COMMD1: variants seen among roughly 807,000 people sequenced by gnomAD.
COMMD1 encodes COMM domain-containing protein 1.
Under a neutral mutation model 17.2 loss-of-function variants are expected in COMMD1, and 10 were observed. That is an observed-to-expected ratio of 0.58 (90% CI 0.36 to 0.99). COMMD1 has a LOEUF of 0.99. Ranked by LOEUF, COMMD1 falls within the 50% of genes least tolerant of loss-of-function variation. COMMD1 has a pLI of 0.01. For missense variants in COMMD1, 270 were observed against 231.8 expected (o/e 1.17, Z -1.07); for synonymous variants, 97 against 91.6 (o/e 1.06, Z -0.34).
chr2:62,046,279 G>A (rs1316691266), intron 2 of COMMD1, among the ~76,000 whole-genome samples: 2 of 152,210 alleles, frequency 1.3e-5, no homozygotes, highest in Admixed American at 1.3e-4. Context: ...ATAGTTCTAT[G>A]CTATAAAGGT....
rs376134713 is a variant in COMMD1 at position 62,074,029 on chromosome 2, A to G, written c.463-61802A>G. Among the ~76,000 whole-genome samples, 62 of 152,200 alleles carry G rather than the reference A, an allele frequency of 4.1e-4. 1 individual carries two copies. The highest frequency in any genetic ancestry group is 1.4e-3 in the African/African-American group (57 of 41,528). ...ACATCTTCAAAATACTTTACAGTTTATTTTTTCTCTTAACACTATACAAAC... is the reference window on the plus strand; with the variant it reads ...ACATCTTCAAAATACTTTACAGTTTGTTTTTTCTCTTAACACTATACAAAC... On this transcript the variant is annotated intron_variant, in intron 2 of 2. Coordinates refer to ENST00000311832, the MANE Select transcript of COMMD1 (RefSeq NM_152516.4).
chr2:62,063,314 C>G (rs1388691841), intron 2 of COMMD1, among the ~76,000 whole-genome samples: 2 of 152,158 alleles, frequency 1.3e-5, no homozygotes, highest in Non-Finnish European at 1.5e-5. Flanking sequence ...GGGAGGATCA[C>G]TTGAGTCCAG....
At chr2:62,089,331 G>A (rs1486962755) in intron 2 of COMMD1, among the ~76,000 whole-genome samples, 1 of 149,914 alleles carries the variant, frequency 6.7e-6, no homozygotes, top group Non-Finnish European at 1.5e-5. Flanking sequence ...TGTTGCCCAG[G>A]CTGGAGTGCA....
chr2:62,056,326 C>G (rs1670699431), intron 2 of COMMD1, among the ~76,000 whole-genome samples: 1 of 152,198 alleles, frequency 6.6e-6, no homozygotes, highest in Admixed American at 6.5e-5. Context: ...CACATCTTCT[C>G]TTATGCACAG....
chr2:61,902,098 T>C (rs1383550569), upstream of COMMD1, among the ~76,000 whole-genome samples: 1 of 151,942 alleles, frequency 6.6e-6, no homozygotes, highest in African/African-American at 2.4e-5. Context: ...CCCAAAGTTC[T>C]GGGATTACAG....
chr2:62,121,835 A>G (rs1443064536), intron 2 of COMMD1, among the ~76,000 whole-genome samples: 1 of 151,830 alleles, frequency 6.6e-6, no homozygotes, highest in East Asian at 1.9e-4. Context: ...TCTGTCACCC[A>G]GGTTGGAGTG....
In COMMD1 at chr2:62,086,095, G is replaced by A. The variant is rs573769095; in HGVS notation, c.463-49736G>A. 7.2e-5 allele frequency among the ~76,000 whole-genome samples: 11 copies of A among 152,054 alleles called. No homozygotes were observed. The South Asian group carries it at 2.3e-3, about 32-fold the overall frequency. On this transcript the variant is annotated intron_variant, in intron 2 of 2. Transcript: ENST00000311832. ...GTGTGTGGGGGTTGAGGTGGGAGGAGCGCTTGAGCCCAGGAGGTGGAGGCT... is the reference window on the plus strand; with the variant it reads ...GTGTGTGGGGGTTGAGGTGGGAGGAACGCTTGAGCCCAGGAGGTGGAGGCT...
At chr2:61,982,264 G>A (rs1671974766) in intron 1 of COMMD1, among the ~76,000 whole-genome samples, 1 of 152,090 alleles carries the variant, frequency 6.6e-6, no homozygotes, top group Non-Finnish European at 1.5e-5. Context: ...TTGTAAATGG[G>A]ATTACTTTCT....
chr2:62,105,884 C>T (rs546373796), intron 2 of COMMD1, among the ~76,000 whole-genome samples: 1 of 152,318 alleles, frequency 6.6e-6, no homozygotes, highest in Non-Finnish European at 1.5e-5. Context: ...AAAGACAGCA[C>T]CAACCCTCCA....
chr2:61,904,384 A>G (rs192758306), upstream of COMMD1, among the ~76,000 whole-genome samples: 6 of 152,330 alleles, frequency 3.9e-5, no homozygotes, highest in Admixed American at 2.0e-4. Flanking sequence ...GAGTGAGGAA[A>G]GAGTGTTTTT....
intron 2 of COMMD1, among the ~76,000 whole-genome samples, chr2:62,053,289 G>A (rs1670591208): frequency 6.6e-6 from 1 of 151,992 alleles, no homozygotes. Flanking sequence ...CCAACTAATA[G>A]GAAATAATTT....
At chr2:62,001,112 G>C (rs1351707702) in intron 2 of COMMD1, 130 bp downstream of exon 2, 3 of 943,434 alleles carry the variant, frequency 3.2e-6, no homozygotes, top group Non-Finnish European at 4.9e-6. Context: ...TCCTTTTTCA[G>C]AGGTAGAATC....
At chr2:61,891,718 A>G (rs1363300822) in intron 1 of COMMD1, among the ~76,000 whole-genome samples, 1 of 151,744 alleles carries the variant, frequency 6.6e-6, no homozygotes, top group Non-Finnish European at 1.5e-5. Flanking sequence ...ACAGAGTGAG[A>G]CTCCATCTCA....
chr2:62,078,970 A>G (rs1468841036), intron 2 of COMMD1, among the ~76,000 whole-genome samples: 2 of 152,138 alleles, frequency 1.3e-5, no homozygotes, highest in African/African-American at 4.8e-5. Context: ...AGGTTGTAAA[A>G]TGTTTCTTTT....
chr2:62,002,582 CT>C (rs1668980656), intron 2 of COMMD1, among the ~76,000 whole-genome samples: 1 of 145,600 alleles, frequency 6.9e-6, no homozygotes, highest in African/African-American at 2.5e-5. Context: ...AATCCCAGCA[CT>C]TTGGAAGGCC....
At chr2:62,067,027 A>G (rs1188977627) in intron 2 of COMMD1, among the ~76,000 whole-genome samples, 1 of 152,020 alleles carries the variant, frequency 6.6e-6, no homozygotes, top group Non-Finnish European at 1.5e-5. Context: ...TGCCCAGCCC[A>G]AATCTATATA....
intron 1 of COMMD1, among the ~76,000 whole-genome samples, chr2:61,925,321 T>C (rs1284687649): frequency 6.6e-6 from 1 of 152,088 alleles, no homozygotes; most frequent in East Asian, 1.9e-4. Context: ...GGAAGTTTAC[T>C]AACCTGCCGG....
intron 2 of COMMD1, among the ~76,000 whole-genome samples, chr2:62,013,734 C>G (rs919105731): frequency 6.6e-6 from 1 of 152,110 alleles, no homozygotes. Flanking sequence ...GGGGTAACAC[C>G]TTGTTTTTTC....
chr2:62,102,513 A>G (rs1261341692), intron 2 of COMMD1, among the ~76,000 whole-genome samples: 1 of 152,172 alleles, frequency 6.6e-6, no homozygotes, highest in African/African-American at 2.4e-5. Context: ...ATTGTAGTTC[A>G]TTGTGTATTG....
Sources: allele counts gnomAD v4.1 joint callset (sites outside exome capture counted in the v4.1 genomes callset), GRCh38; gene constraint gnomAD v4.1.1; transcripts MANE v1.5; gene names NCBI Gene and HGNC (gene_info 2026-07-23, HGNC 2026-07-21).